SGCZ: variants seen among roughly 807,000 people sequenced by gnomAD.
The protein encoded by SGCZ is sarcoglycan zeta.
SGCZ carries 40 observed loss-of-function variants against 41.3 expected under a neutral mutation model. That is an observed-to-expected ratio of 0.97 (90% CI 0.75 to 1.26). The LOEUF (loss-of-function observed/expected upper bound fraction) is 1.26, where lower values mean the gene tolerates loss of function less well. Among genes scored for constraint, SGCZ ranks in the 50% most tolerant of loss-of-function variants. The probability of loss-of-function intolerance (pLI) is 0.00; values close to 1 mark genes in which losing one functional copy is unlikely to be tolerated. For missense variants in SGCZ, 552 were observed against 369.8 expected (o/e 1.49, Z -4.04); for synonymous variants, 206 against 137.5 (o/e 1.50, Z -3.49).
At chr8:15,064,368 C>T (rs1401247697) in intron 1 of SGCZ, among the ~76,000 whole-genome samples, 3 of 152,046 alleles carry the variant, frequency 2.0e-5, no homozygotes, top group Admixed American at 2.0e-4. Context: ...CTAACATTTT[C>T]CCTCTCCTAT....
chr8:14,601,844 G>C (rs1481221063), intron 1 of SGCZ, among the ~76,000 whole-genome samples: 1 of 152,112 alleles, frequency 6.6e-6, no homozygotes, highest in Admixed American at 6.6e-5. Flanking sequence ...TGTGGTGCCG[G>C]GCGCGGTGGC....
At chr8:14,877,377 A>C (rs1179231088) in intron 1 of SGCZ, among the ~76,000 whole-genome samples, 5 of 152,228 alleles carry the variant, frequency 3.3e-5, no homozygotes, top group African/African-American at 9.6e-5. Flanking sequence ...ATGTATATTT[A>C]TATTTTAATG....
intron 2 of SGCZ, among the ~76,000 whole-genome samples, chr8:14,374,639 G>C (rs919333875): frequency 5.3e-5 from 8 of 152,150 alleles, no homozygotes; most frequent in African/African-American, 1.9e-4. Context: ...TAAATACATA[G>C]GGAGGCCAGA....
intron 7 of SGCZ, among the ~76,000 whole-genome samples, chr8:14,092,568 T>A (rs1306199426): frequency 6.6e-6 from 1 of 151,928 alleles, no homozygotes; most frequent in Non-Finnish European, 1.5e-5. Context: ...AGGGACCCAG[T>A]GGGAGATAGT....
At chr8:14,185,987 T>C (rs1156867160) in intron 4 of SGCZ, among the ~76,000 whole-genome samples, 3 of 152,208 alleles carry the variant, frequency 2.0e-5, no homozygotes, top group African/African-American at 7.2e-5. Context: ...GGATATCTAA[T>C]AGGCATTGGA....
chr8:14,144,471 C>T (rs1204127170), intron 5 of SGCZ, among the ~76,000 whole-genome samples: 1 of 152,124 alleles, frequency 6.6e-6, no homozygotes, highest in Non-Finnish European at 1.5e-5. Flanking sequence ...TAACCAGTAG[C>T]AATACCCAGG....
rs186778476 is a variant in SGCZ, at chr8:14,102,305, A to G, written c.744+71T>C. 9,042 of 1,309,708 alleles carry G rather than the reference A, an allele frequency of 6.9e-3. 37 individuals are homozygous for G. The highest frequency in any genetic ancestry group is 7.9e-3 in the Non-Finnish European group (8,029 of 1,012,010). The allele number at this position is 1,309,708 out of a possible 1,614,324, so 81.1% of individuals were successfully genotyped here. A position where few individuals can be genotyped will look rare whatever the true frequency, so the allele number is the denominator to read the frequency against. ...ATATTCCTTCACAAGTCAATTATAA[A>G]TAGGACATCTAAATACTTGTGTTTT... On this transcript the variant is annotated intron_variant, in intron 7 of 7. Transcript: ENST00000382080.
At chr8:14,695,445 C>G (rs1241183021) in intron 1 of SGCZ, among the ~76,000 whole-genome samples, 1 of 151,860 alleles carries the variant, frequency 6.6e-6, no homozygotes, top group East Asian at 1.9e-4. Context: ...TCCAAAAGTA[C>G]CATGTAAGAG....
intron 2 of SGCZ, among the ~76,000 whole-genome samples, chr8:14,372,721 C>A (rs1173294240): frequency 1.3e-5 from 2 of 151,914 alleles, no homozygotes; most frequent in African/African-American, 4.8e-5. Flanking sequence ...ATAAGAAATG[C>A]GAAGACTCAG....
chr8:14,269,524 C>G (rs941741222), intron 3 of SGCZ, among the ~76,000 whole-genome samples: 3 of 152,162 alleles, frequency 2.0e-5, no homozygotes, highest in Non-Finnish European at 2.9e-5. Context: ...ATTTGCATAA[C>G]TCACAAGGTG....
intron 2 of SGCZ, among the ~76,000 whole-genome samples, chr8:14,479,157 C>T (rs1801449015): frequency 6.6e-6 from 1 of 152,300 alleles, no homozygotes; most frequent in South Asian, 2.1e-4. Context: ...GGAAGCCAGT[C>T]CGAGTCCCAA....
intron 1 of SGCZ, among the ~76,000 whole-genome samples, chr8:15,157,811 G>A (rs1799378175): frequency 6.6e-6 from 1 of 152,148 alleles, no homozygotes; most frequent in African/African-American, 2.4e-5. Flanking sequence ...GTGGAATATG[G>A]CATTCAATCT....
intron 1 of SGCZ, among the ~76,000 whole-genome samples, chr8:14,961,129 T>C (rs1800952688): frequency 6.6e-6 from 1 of 152,154 alleles, no homozygotes; most frequent in Non-Finnish European, 1.5e-5. Context: ...TTCACTGAAT[T>C]GTATCTTTTA....
rs73531316 is a variant in SGCZ at position 14,305,262 on chromosome 8, T to C, written c.336+18841A>G. ...TGAATTCAAAAGGATGAACAATGGT[T>C]AGCATGACAGATGCCTTACAATTAA... On this transcript the variant is annotated intron_variant, in intron 3 of 7. Transcript: ENST00000382080. 6.5e-3 allele frequency among the ~76,000 whole-genome samples: 988 copies of C among 152,302 alleles called. 9 individuals carry two copies. The highest frequency in any genetic ancestry group is 0.023 in the African/African-American group (946 of 41,576).
intron 7 of SGCZ, among the ~76,000 whole-genome samples, chr8:14,095,490 G>A (rs1801815540): frequency 6.6e-6 from 1 of 152,044 alleles, no homozygotes; most frequent in South Asian, 2.1e-4. Flanking sequence ...GTACCATGCT[G>A]TTTTGGTTAC....
At chr8:14,442,087 G>T (rs902988630) in intron 2 of SGCZ, among the ~76,000 whole-genome samples, 8 of 152,152 alleles carry the variant, frequency 5.3e-5, no homozygotes, top group Admixed American at 3.9e-4. Flanking sequence ...CTGACTTCAT[G>T]CTATAAATAG....
At chr8:14,281,062 C>T (rs1800415658) in intron 3 of SGCZ, among the ~76,000 whole-genome samples, 3 of 151,676 alleles carry the variant, frequency 2.0e-5, no homozygotes, top group Admixed American at 2.0e-4. Flanking sequence ...AATTTGAGAC[C>T]TTAGGTGATG....
chr8:14,680,397 T>C (rs570792066), intron 1 of SGCZ, among the ~76,000 whole-genome samples: 1 of 152,288 alleles, frequency 6.6e-6, no homozygotes, highest in East Asian at 1.9e-4. Flanking sequence ...CTGTAAAAAC[T>C]GTGGCACTTT....
At chr8:14,786,923 G>A (rs74549073) in intron 1 of SGCZ, among the ~76,000 whole-genome samples, 1 of 151,518 alleles carries the variant, frequency 6.6e-6, no homozygotes, top group Non-Finnish European at 1.5e-5. Context: ...TGATAAATTA[G>A]AGGAGGGGAA....
Sources: allele counts gnomAD v4.1 joint callset (sites outside exome capture counted in the v4.1 genomes callset), GRCh38; gene constraint gnomAD v4.1.1; transcripts MANE v1.5; gene names NCBI Gene and HGNC (gene_info 2026-07-23, HGNC 2026-07-21).